CLOCK: variants seen among roughly 807,000 people sequenced by gnomAD.
CLOCK encodes the protein clock circadian regulator.
In CLOCK, 43 loss-of-function variants were observed where a neutral mutation model predicts 118.4. That is an observed-to-expected ratio of 0.36 (90% CI 0.28 to 0.47). The LOEUF (loss-of-function observed/expected upper bound fraction) is 0.47, where lower values mean the gene tolerates loss of function less well. Ranked by LOEUF, CLOCK falls within the 20% of genes least tolerant of loss-of-function variation. The pLI is 1.00. For missense variants in CLOCK, 846 were observed against 999.9 expected, an observed-to-expected ratio of 0.85 and a Z score of 2.08; for synonymous variants, 326 against 339.2, an observed-to-expected ratio of 0.96 and a Z score of 0.43.
chr4:55,530,774 C>CAAAAAAAAAAA lies in CLOCK; in HGVS notation c.-290+15997_-290+16007dup, dbSNP rs60810379. Among the ~76,000 whole-genome samples, 71 of 32,984 alleles carry CAAAAAAAAAAA rather than the reference C, an allele frequency of 2.2e-3. 5 individuals are homozygous for CAAAAAAAAAAA. The highest frequency in any genetic ancestry group is 8.4e-3 in the African/African-American group (60 of 7,148). The allele number at this position is 32,984 out of a possible 152,430, so 21.6% of individuals were successfully genotyped here. A position where few individuals can be genotyped will look rare whatever the true frequency, so the allele number is the denominator to read the frequency against. On this transcript the variant is annotated intron_variant, in intron 1 of 22. Coordinates refer to ENST00000513440, the MANE Select transcript of CLOCK (RefSeq NM_004898.4). ...TGGGAAAAAGAGCAAGACTCCATCG[C>CAAAAAAAAAAA]AAAAAAAAAAAAAAAAAGAGTAAAT...
chr4:55,541,950 CA>C (rs55793804), intron 1 of CLOCK, among the ~76,000 whole-genome samples: 54,780 of 136,896 alleles, frequency 0.4, 10,224 homozygotes, highest in East Asian at 0.6. Context: ...CTCCCCCCAC[CA>C]AAAAAAAAAA....
In CLOCK at chr4:55,458,958, C is replaced by T. The variant is rs140806385; in HGVS notation, c.726G>A (p.Arg242=). The change falls in exon 11 of 23, where the codon AGG becomes AGA. Residue 242 remains arginine, a synonymous_variant. Transcript: ENST00000513440. ...AACAAACTCTATCTTCATAAGATGGCCTATGTGTGCGTTGTATAGTTCCTT... is the reference window on the plus strand; with the variant it reads ...AACAAACTCTATCTTCATAAGATGGTCTATGTGTGCGTTGTATAGTTCCTT... ...GFEGTIQRTH[R]PSYEDRVCFV... The T allele has an allele frequency of 1.9e-4, 301 of 1,613,892 alleles. 2 individuals are homozygous for T. In the African/African-American group the frequency reaches 3.4e-3, roughly 18 times the overall value.
At chr4:55,442,156 G>A in intron 21 of CLOCK, 1 of 414,134 alleles carries the variant, frequency 2.4e-6, no homozygotes, top group Non-Finnish European at 4.4e-6. Context: ...CACAGAGCCT[G>A]TCATAAACCT....
intron 22 of CLOCK, among the ~76,000 whole-genome samples, chr4:55,437,022 C>T (rs189508906): frequency 2.0e-5 from 3 of 150,794 alleles, no homozygotes; most frequent in African/African-American, 7.3e-5. Context: ...TCATTGGATA[C>T]ATTTTCCCTA....
intron 3 of CLOCK, among the ~76,000 whole-genome samples, chr4:55,485,644 T>C (rs528083085): frequency 6.6e-6 from 1 of 152,304 alleles, no homozygotes; most frequent in Non-Finnish European, 1.5e-5. Context: ...ATTTTTTAAG[T>C]TCGACATTAG....
At chr4:55,509,807 G>A (rs1261684144) in intron 2 of CLOCK, 105 bp downstream of exon 2, 1 of 152,192 alleles carries the variant, frequency 6.6e-6, no homozygotes, top group Non-Finnish European at 1.5e-5. Context: ...GAAAGTAGCA[G>A]ATCATTACCC....
chr4:55,492,498 A>C (rs1353545727), intron 2 of CLOCK, among the ~76,000 whole-genome samples: 1 of 152,198 alleles, frequency 6.6e-6, no homozygotes, highest in Non-Finnish European at 1.5e-5. Context: ...GAGAAATAAT[A>C]AAATAATCAA....
chr4:55,451,389 T>C (rs1345888278), intron 15 of CLOCK, among the ~76,000 whole-genome samples: 2 of 152,220 alleles, frequency 1.3e-5, no homozygotes, highest in Non-Finnish European at 2.9e-5. Flanking sequence ...ACTTACTAGC[T>C]ATTACCCCCC....
chr4:55,508,645 T>G (rs1205437576), intron 2 of CLOCK, among the ~76,000 whole-genome samples: 1 of 150,848 alleles, frequency 6.6e-6, no homozygotes, highest in Admixed American at 6.7e-5. Context: ...CAAGCTGGAG[T>G]GCAGTGGCAT....
chr4:55,449,227 T>C (rs1724213846), intron 17 of CLOCK, among the ~76,000 whole-genome samples, 169 bp downstream of exon 17: 1 of 152,010 alleles, frequency 6.6e-6, no homozygotes, highest in Non-Finnish European at 1.5e-5. Flanking sequence ...CCAATACATA[T>C]GACAACCACT....
At chr4:55,470,944 C>T (rs907733145) in intron 7 of CLOCK, 138 bp from the exon 8 acceptor site, 17 of 651,864 alleles carry the variant, frequency 2.6e-5, no homozygotes, top group Non-Finnish European at 4.6e-5. Flanking sequence ...CTAGCTTTCC[C>T]CCTTTACAAT....
intron 1 of CLOCK, among the ~76,000 whole-genome samples, chr4:55,537,740 G>A (rs1730997314): frequency 6.6e-6 from 1 of 152,194 alleles, no homozygotes; most frequent in Non-Finnish European, 1.5e-5. Flanking sequence ...GCTGCAATGG[G>A]CCATGATCAC....
chr4:55,521,428 C>T (rs1158322822), intron 1 of CLOCK, among the ~76,000 whole-genome samples: 2 of 152,206 alleles, frequency 1.3e-5, no homozygotes, highest in African/African-American at 4.8e-5. Flanking sequence ...GTGTTAGTCA[C>T]ACCGGTCTTG....
At position 55,432,628 on chromosome 4, in the gene CLOCK, T is replaced by TG. The variant is rs1203263566; in HGVS notation, c.*2786dup. ...AATGCTCAAGTTTCATGGGGCAGGG[T>TG]GGGGGGCGGGATAGCTTTGCAACCC... On this transcript the variant is annotated 3_prime_UTR_variant, in exon 23 of 23. Transcript: ENST00000513440. 4 of 106,686 alleles carry TG rather than the reference T, an allele frequency of 3.7e-5. No homozygotes were observed. The highest frequency in any genetic ancestry group is 7.1e-5 in the Non-Finnish European group (4 of 56,330). 6.6% of individuals were successfully genotyped at this position (106,686 alleles called of 1,614,324 possible).
chr4:55,509,199 A>AC (rs1264589075), intron 2 of CLOCK, among the ~76,000 whole-genome samples: 3 of 152,188 alleles, frequency 2.0e-5, no homozygotes, highest in African/African-American at 7.2e-5. Flanking sequence ...ATCTCATGGG[A>AC]CCACTGTCGT....
intron 2 of CLOCK, chr4:55,501,526 T>G (rs1214021835): frequency 2.0e-5 from 3 of 149,568 alleles, no homozygotes; most frequent in Admixed American, 2.0e-4. Flanking sequence ...CAAGTGGCCC[T>G]CCCGCCTCAG....
chr4:55,463,457 G>A (rs1389716815), intron 9 of CLOCK, among the ~76,000 whole-genome samples: 1 of 151,914 alleles, frequency 6.6e-6, no homozygotes, highest in Non-Finnish European at 1.5e-5. Flanking sequence ...GGGAGTCCAG[G>A]ATTTATTATA....
intron 7 of CLOCK, among the ~76,000 whole-genome samples, chr4:55,475,391 T>G (rs1187553547): frequency 6.6e-6 from 1 of 152,216 alleles, no homozygotes; most frequent in African/African-American, 2.4e-5. Context: ...TGAATACTGT[T>G]GACATGACAG....
At chr4:55,469,128 C>CA (rs1725938732) in intron 8 of CLOCK, among the ~76,000 whole-genome samples, 1 of 136,654 alleles carries the variant, frequency 7.3e-6, no homozygotes, top group African/African-American at 2.6e-5. Context: ...TCTCTATTTA[C>CA]ATTTTTTTTT....
Sources: allele counts gnomAD v4.1 joint callset (sites outside exome capture counted in the v4.1 genomes callset), GRCh38; gene constraint gnomAD v4.1.1; transcripts MANE v1.5; gene names NCBI Gene and HGNC (gene_info 2026-07-23, HGNC 2026-07-21).